The following COPS2 variants were observed in gnomAD, a reference collection of about 807,000 sequenced individuals.
COPS2 encodes COP9 signalosome complex subunit 2.
COPS2 carries 10 observed loss-of-function variants against 66.1 expected under a neutral mutation model. That is an observed-to-expected ratio of 0.15 (90% CI 0.09 to 0.26). The LOEUF is 0.26. Ranked by LOEUF, COPS2 falls within the 10% of genes least tolerant of loss-of-function variation. The pLI is 1.00. For missense variants in COPS2, 215 were observed against 513.3 expected (o/e 0.42, Z 5.62); for synonymous variants, 179 against 171.3 (o/e 1.04, Z -0.35).
At chr15:49,150,277 A>AAAAT (rs924630645) in intron 1 of COPS2, among the ~76,000 whole-genome samples, 5 of 150,890 alleles carry the variant, frequency 3.3e-5, no homozygotes, top group South Asian at 2.1e-4. Flanking sequence ...TAAAAATAAA[A>AAAAT]AAATAAATAA....
intron 4 of COPS2, chr15:49,137,944 TCAACTCTTATTTGGAGCCTA>T (rs1454263136): frequency 1.3e-5 from 2 of 152,402 alleles, no homozygotes; most frequent in African/African-American, 4.8e-5. Flanking sequence ...TCTTATTCAC[TCAACTCTTATTTGGAGCCTA>T]CAATGTGGCA....
At chr15:49,128,158 T>C in intron 12 of COPS2, 64 bp from the exon 13 acceptor site, 1 of 1,520,774 alleles carries the variant, frequency 6.6e-7, no homozygotes, top group Non-Finnish European at 9.0e-7. Flanking sequence ...TCTGGATTAA[T>C]GTTTCATAAA....
At chr15:49,147,951 TAGAC>T (rs1228629328) in intron 1 of COPS2, among the ~76,000 whole-genome samples, 1 of 152,160 alleles carries the variant, frequency 6.6e-6, no homozygotes, top group Non-Finnish European at 1.5e-5. Flanking sequence ...TGACTACAAA[TAGAC>T]AGTTCCTTGT....
rs1263996284 is a variant in COPS2 at position 49,134,533 on chromosome 15, A to G, written c.541-19T>C. The G allele has an allele frequency of 1.9e-6, 3 of 1,573,590 alleles. No individual in the cohort carries two copies. Among genetic ancestry groups the G allele is most frequent in the Non-Finnish European group, 2.6e-6 (3 of 1,153,542 alleles). On this transcript the variant is annotated intron_variant, in intron 6 of 12. Transcript: ENST00000388901. ...CATCAGTCTAGGAAAGCAAATATTTAACTTTAGACAAGATAGAATTCAGAC... is the reference window on the plus strand; with the variant it reads ...CATCAGTCTAGGAAAGCAAATATTTGACTTTAGACAAGATAGAATTCAGAC...
intron 1 of COPS2, among the ~76,000 whole-genome samples, chr15:49,145,558 G>A (rs948536321): frequency 1.1e-4 from 17 of 152,018 alleles, no homozygotes; most frequent in Non-Finnish European, 1.8e-4. Context: ...TCTACACATG[G>A]CAAAGTCATC....
chr15:49,147,440 T>C (rs2084328578), intron 1 of COPS2, among the ~76,000 whole-genome samples: 1 of 152,114 alleles, frequency 6.6e-6, no homozygotes, highest in South Asian at 2.1e-4. Flanking sequence ...AAGAGGAAAG[T>C]AGAAGCTGAA....
rs2084158310 is a variant in COPS2 at position 49,125,449 on chromosome 15, T to C, written c.*2501A>G. Reference sequence around the variant, plus strand: ...GAAGAATGAGATGAACACATTACAATATGATGTAAACCACTGGTATGGTTT... The same window carrying C: ...GAAGAATGAGATGAACACATTACAACATGATGTAAACCACTGGTATGGTTT... On this transcript the variant is annotated 3_prime_UTR_variant, in exon 13 of 13. Transcript: ENST00000388901. The C allele has an allele frequency of 6.6e-6, 1 of 152,074 alleles. No individual in the cohort carries two copies. Among genetic ancestry groups the C allele is most frequent in the East Asian group, 1.9e-4 (1 of 5,184 alleles). 9.4% of individuals were successfully genotyped at this position (152,074 alleles called of 1,614,324 possible). A position where few individuals can be genotyped will look rare whatever the true frequency, so the allele number is the denominator to read the frequency against.
chr15:49,143,355 T>A (rs1241005667), intron 3 of COPS2, among the ~76,000 whole-genome samples: 1 of 152,182 alleles, frequency 6.6e-6, no homozygotes, highest in Non-Finnish European at 1.5e-5. Context: ...CTGACTTACA[T>A]TTTAAAAGGA....
Position 49,130,780 on chromosome 15 carries a change from C to G in COPS2, c.984G>C (p.Lys328Asn). ...YQNNDITEFE[K>N]ILKTNHSNIM... is the part of the protein sequence containing the mutation. Reference sequence around the variant, plus strand: ...TGTTGCTGTGATTTGTTTTTAGAATCTTTTCAAATTCAGTGATGTCATTAT... The same window carrying G: ...TGTTGCTGTGATTTGTTTTTAGAATGTTTTCAAATTCAGTGATGTCATTAT... Residue 328 changes from lysine (K) to asparagine (N), a missense_variant, in exon 10 of 13, where the codon AAG (lysine) becomes AAC (asparagine). Around this residue, in one of 5 missense-constraint regions of COPS2, gnomAD observed 56 missense variants for 173.6 expected, o/e 0.32. Coordinates refer to ENST00000388901, the MANE Select transcript of COPS2 (RefSeq NM_004236.4). 1.2e-6 allele frequency: 2 copies of G among 1,601,824 alleles called. No individual in the cohort carries two copies. The highest frequency in any genetic ancestry group is 8.5e-7 in the Non-Finnish European group (1 of 1,170,200).
At chr15:49,144,360 T>C in intron 2 of COPS2, 56 bp from the exon 3 acceptor site, 1 of 947,670 alleles carries the variant, frequency 1.1e-6, no homozygotes, top group Non-Finnish European at 1.7e-6. Flanking sequence ...TATTTTCTAA[T>C]GATGCCCAAT....
In COPS2 at chr15:49,125,752, T is replaced by C. The variant is rs1302912453; in HGVS notation, c.*2198A>G. 1.3e-5 allele frequency: 2 copies of C among 152,110 alleles called. No homozygotes were observed. Among genetic ancestry groups the C allele is most frequent in the Non-Finnish European group, 2.9e-5 (2 of 67,930 alleles). 9.4% of individuals were successfully genotyped at this position (152,110 alleles called of 1,614,324 possible). ...GCACCTATATCTGGGTAAACAAAGC[T>C]ATGTAATACACAATTACAATAAATT... On this transcript the variant is annotated 3_prime_UTR_variant, in exon 13 of 13. Coordinates refer to ENST00000388901, the MANE Select transcript of COPS2 (RefSeq NM_004236.4).
At chr15:49,134,857 C>T (rs534177381) in intron 6 of COPS2, among the ~76,000 whole-genome samples, 1 of 151,484 alleles carries the variant, frequency 6.6e-6, no homozygotes, top group South Asian at 2.1e-4. Flanking sequence ...TCGTTTAACA[C>T]TGTCGATAGG....
intron 11 of COPS2, 106 bp from the exon 12 acceptor site, chr15:49,128,866 T>C: frequency 1.4e-6 from 1 of 702,128 alleles, no homozygotes; most frequent in Non-Finnish European, 2.4e-6. Context: ...GGAAAATTAG[T>C]GAAGAGAAGA....
At chr15:49,152,703 A>T (rs1435698836) in intron 1 of COPS2, among the ~76,000 whole-genome samples, 1 of 152,088 alleles carries the variant, frequency 6.6e-6, no homozygotes, top group African/African-American at 2.4e-5. Flanking sequence ...GGCGCCTGTA[A>T]TCTCAGCTAC....
chr15:49,123,145 C>G lies in COPS2; in HGVS notation c.*4805G>C, dbSNP rs1249011280. ...ACTGTCGTAAACAGTAAGGGATAGG[C>G]AAACATTTGAACAGAAATTAGATAC... is the stretch of plus-strand genomic sequence containing the variant. On this transcript the variant is annotated 3_prime_UTR_variant, in exon 13 of 13. Coordinates refer to ENST00000388901, the MANE Select transcript of COPS2 (RefSeq NM_004236.4). 1 of 151,552 alleles carries G rather than the reference C, an allele frequency of 6.6e-6. No homozygotes were observed. Among genetic ancestry groups the G allele is most frequent in the Non-Finnish European group, 1.5e-5 (1 of 67,592 alleles). The allele number at this position is 151,552 out of a possible 1,614,324, so 9.4% of individuals were successfully genotyped here.
intron 3 of COPS2, among the ~76,000 whole-genome samples, chr15:49,140,049 C>T (rs770707811): frequency 6.6e-6 from 1 of 151,976 alleles, no homozygotes; most frequent in Middle Eastern, 3.2e-3. Flanking sequence ...GTGCATGGCG[C>T]GATCTTGACT....
rs2084139331 is a variant in COPS2, at chr15:49,123,300, T to C, written c.*4650A>G. 1 of 152,202 alleles carries C rather than the reference T, an allele frequency of 6.6e-6. No individual in the cohort carries two copies. The highest frequency in any genetic ancestry group is 2.4e-5 in the African/African-American group (1 of 41,462). 9.4% of individuals were successfully genotyped at this position (152,202 alleles called of 1,614,324 possible). A position where few individuals can be genotyped will look rare whatever the true frequency, so the allele number is the denominator to read the frequency against. The stretch of plus-strand genomic sequence containing the variant: ...AATGGATGTACAATAAAACAACCTT[T>C]AGCAATTAATTTTAAAATGCCCTTA... On this transcript the variant is annotated 3_prime_UTR_variant, in exon 13 of 13. Coordinates refer to ENST00000388901, the MANE Select transcript of COPS2 (RefSeq NM_004236.4).
At chr15:49,147,799 C>T (rs574474203) in intron 1 of COPS2, among the ~76,000 whole-genome samples, 27 of 149,432 alleles carry the variant, frequency 1.8e-4, no homozygotes, top group Middle Eastern at 3.5e-3. Flanking sequence ...TTTGTGACTA[C>T]ATTCTTTTGG....
chr15:49,126,876 G>A lies in COPS2; in HGVS notation c.*1074C>T, dbSNP rs1234997532. ...CTAATACTATATTTTTTAAAACAATGTATAATCATAAAGTTTAGTGTGTGT... is the reference window on the plus strand; with the variant it reads ...CTAATACTATATTTTTTAAAACAATATATAATCATAAAGTTTAGTGTGTGT... On this transcript the variant is annotated 3_prime_UTR_variant, in exon 13 of 13. Transcript: ENST00000388901. 1 of 152,076 alleles carries A rather than the reference G, an allele frequency of 6.6e-6. No homozygotes were observed. The highest frequency in any genetic ancestry group is 2.4e-5 in the African/African-American group (1 of 41,424). The allele number at this position is 152,076 out of a possible 1,614,324, so 9.4% of individuals were successfully genotyped here.
Sources: allele counts gnomAD v4.1 joint callset (sites outside exome capture counted in the v4.1 genomes callset), GRCh38; gene constraint gnomAD v4.1.1; regional missense constraint gnomAD v4.1.1; transcripts MANE v1.5; gene names NCBI Gene and HGNC (gene_info 2026-07-23, HGNC 2026-07-21).